The following ABLIM1 variants were observed in gnomAD, a reference collection of about 807,000 sequenced individuals.
ABLIM1 encodes actin-binding LIM protein 1.
In ABLIM1, 40 loss-of-function variants were observed where a neutral mutation model predicts 107.0. The observed-to-expected ratio is 0.37, with a 90% CI of 0.29 to 0.49. ABLIM1 has a LOEUF of 0.49. ABLIM1 is among the 20% of genes least tolerant of loss of function. The pLI is 0.97. For synonymous variants in ABLIM1, 357 were observed against 357.3 expected (o/e 1.00, Z 0.01); for missense variants, 857 against 1,008.5 (o/e 0.85, Z 2.04).
chr10:114,749,826 T>C (rs1334760251), intron 1 of ABLIM1, among the ~76,000 whole-genome samples: 1 of 152,112 alleles, frequency 6.6e-6, no homozygotes, highest in Non-Finnish European at 1.5e-5. Flanking sequence ...TCACTCCAGA[T>C]ACTCCCATAG....
At chr10:114,601,613 A>C in intron 2 of ABLIM1, 1 of 717,250 alleles carries the variant, frequency 1.4e-6, no homozygotes, top group Non-Finnish European at 2.4e-6. Flanking sequence ...GGCCTCAGTG[A>C]GCACCCAAAG....
intron 1 of ABLIM1, among the ~76,000 whole-genome samples, chr10:114,696,114 G>A (rs2081188637): frequency 6.6e-6 from 1 of 152,148 alleles, no homozygotes; most frequent in Non-Finnish European, 1.5e-5. Flanking sequence ...CAGTGTCTAT[G>A]GAAAATCAGA....
chr10:114,673,944 GA>G (rs948185096), intron 1 of ABLIM1, among the ~76,000 whole-genome samples: 3 of 151,704 alleles, frequency 2.0e-5, no homozygotes, highest in Admixed American at 6.6e-5. Flanking sequence ...GTAATCAGAG[GA>G]AAAAAAAGTG....
In ABLIM1 at chr10:114,564,090, T is replaced by C. The variant is rs115082299; in HGVS notation, c.673+7207A>G. On this transcript the variant is annotated intron_variant, in intron 4 of 22. Transcript: ENST00000533213. ...ATGACTCTCTCTACCTTAGTCTTTC[T>C]AGAACATTGTTTTCATCTGGTCATC... Among the ~76,000 whole-genome samples the C allele has an allele frequency of 5.0e-3, 757 of 151,620 alleles. 4 individuals carry two copies. Among genetic ancestry groups the C allele is most frequent in the African/African-American group, 0.017 (682 of 41,256 alleles).
intron 8 of ABLIM1, among the ~76,000 whole-genome samples, chr10:114,479,311 A>C (rs2056983302): frequency 6.6e-6 from 1 of 152,132 alleles, no homozygotes; most frequent in South Asian, 2.1e-4. Context: ...GCTCTTCATG[A>C]ATATTCCTTT....
intron 4 of ABLIM1, among the ~76,000 whole-genome samples, 153 bp from the exon 5 acceptor site, chr10:114,547,929 C>A (rs2067566657): frequency 6.6e-6 from 1 of 152,204 alleles, no homozygotes. Context: ...TGCACAAAAT[C>A]TTTCTTGGTG....
chr10:114,476,232 C>T (rs149632294), intron 8 of ABLIM1, among the ~76,000 whole-genome samples: 1 of 152,314 alleles, frequency 6.6e-6, no homozygotes, highest in Non-Finnish European at 1.5e-5. Context: ...CTCCCCAGGA[C>T]CTGCCGTGCA....
intron 10 of ABLIM1, among the ~76,000 whole-genome samples, chr10:114,468,553 C>T (rs998782683): frequency 3.9e-5 from 6 of 151,968 alleles, no homozygotes; most frequent in Non-Finnish European, 7.4e-5. Context: ...GGATTACAGG[C>T]GTGAGCCACC....
intron 1 of ABLIM1, among the ~76,000 whole-genome samples, chr10:114,614,634 G>T (rs1054180565): frequency 4.6e-5 from 7 of 152,172 alleles, no homozygotes; most frequent in African/African-American, 1.7e-4. Flanking sequence ...TTGCCTAGAG[G>T]AATGTCAACA....
At chr10:114,686,570 T>A (rs146578375), upstream of ABLIM1, among the ~76,000 whole-genome samples, 28 of 151,812 alleles carry the variant, frequency 1.8e-4, 1 homozygote, top group East Asian at 5.2e-3. Context: ...TTGTTTAAAA[T>A]GCACAATTTT....
At chr10:114,768,492 TC>T (rs2082960264), upstream of ABLIM1, among the ~76,000 whole-genome samples, 1 of 151,936 alleles carries the variant, frequency 6.6e-6, no homozygotes, top group South Asian at 2.1e-4. Flanking sequence ...AGCTCTCTGG[TC>T]CCAGAGAGAG....
At chr10:114,709,562 G>A (rs962432377) in intron 1 of ABLIM1, among the ~76,000 whole-genome samples, 1 of 152,156 alleles carries the variant, frequency 6.6e-6, no homozygotes, top group Non-Finnish European at 1.5e-5. Flanking sequence ...GTACATTTGT[G>A]TATGAGATTG....
chr10:114,473,578 G>A (rs1322517727), intron 9 of ABLIM1, among the ~76,000 whole-genome samples: 1 of 142,368 alleles, frequency 7.0e-6, no homozygotes, highest in Non-Finnish European at 1.6e-5. Context: ...ATATCTATAT[G>A]CAATTTAGGT....
intron 1 of ABLIM1, among the ~76,000 whole-genome samples, chr10:114,603,868 G>A (rs983958722): frequency 6.7e-6 from 1 of 149,874 alleles, no homozygotes; most frequent in Non-Finnish European, 1.5e-5. Flanking sequence ...CAGGAGAATC[G>A]CTTGAACCCA....
At chr10:114,623,031 C>A (rs1356372012) in intron 1 of ABLIM1, among the ~76,000 whole-genome samples, 2 of 152,196 alleles carry the variant, frequency 1.3e-5, no homozygotes, top group African/African-American at 4.8e-5. Flanking sequence ...GCGATCTCAG[C>A]TCACTGCAAC....
At chr10:114,592,697 G>T (rs1234994267) in intron 2 of ABLIM1, among the ~76,000 whole-genome samples, 2 of 152,098 alleles carry the variant, frequency 1.3e-5, no homozygotes, top group African/African-American at 2.4e-5. Flanking sequence ...ATGATAAATG[G>T]TCAGATTTTG....
At chr10:114,540,228 C>G (rs2066490621) in intron 6 of ABLIM1, among the ~76,000 whole-genome samples, 2 of 152,122 alleles carry the variant, frequency 1.3e-5, no homozygotes, top group East Asian at 3.9e-4. Context: ...CCCTTACAGC[C>G]AAGACATGAG....
At chr10:114,522,558 C>T (rs774509467) in intron 6 of ABLIM1, among the ~76,000 whole-genome samples, 1 of 152,154 alleles carries the variant, frequency 6.6e-6, no homozygotes, top group Non-Finnish European at 1.5e-5. Flanking sequence ...CCAAGACAAT[C>T]TAGTAAAAAA....
chr10:114,660,452 A>AAAAAGAAAAGAAAAG (rs61626874), upstream of ABLIM1, among the ~76,000 whole-genome samples: 73 of 148,204 alleles, frequency 4.9e-4, no homozygotes, highest in African/African-American at 9.0e-4. Context: ...TGAAATTTAA[A>AAAAAGAAAAGAAAAG]AAAAGAAAAG....
Sources: gnomAD v4.1 joint callset for allele counts (sites outside exome capture counted in the v4.1 genomes callset) on GRCh38, gnomAD v4.1.1 for gene constraint, MANE v1.5 for transcripts, NCBI Gene and HGNC (gene_info 2026-07-23, HGNC 2026-07-21) for gene names.